TMEM245: variants seen among roughly 807,000 people sequenced by gnomAD.
The protein encoded by TMEM245 is transmembrane protein 245, also known as protein CG-2.
In TMEM245, 69 loss-of-function variants were observed where a neutral mutation model predicts 101.2. The observed-to-expected ratio is 0.68, with a 90% confidence interval of 0.56 to 0.83. TMEM245 has a LOEUF of 0.83. TMEM245 is among the 40% of genes least tolerant of loss of function. TMEM245 has a pLI of 0.00. For synonymous variants in TMEM245, 537 were observed against 449.8 expected (o/e 1.19, Z -2.45); for missense variants, 1,075 against 1,092.8 (o/e 0.98, Z 0.23).
At chr9:109,098,894 C>T (rs1245421572) in intron 3 of TMEM245, among the ~76,000 whole-genome samples, 1 of 152,156 alleles carries the variant, frequency 6.6e-6, no homozygotes, top group Non-Finnish European at 1.5e-5. Context: ...GTCCGGCACA[C>T]AAGAAAGAGA....
chr9:109,097,081 G>A (rs1314063782), intron 3 of TMEM245, among the ~76,000 whole-genome samples: 2 of 152,196 alleles, frequency 1.3e-5, no homozygotes, highest in East Asian at 3.8e-4. Context: ...CATGCAGGGA[G>A]GTCTGGGAAG....
At chr9:109,104,415 T>C (rs1417868013) in intron 3 of TMEM245, among the ~76,000 whole-genome samples, 2 of 152,194 alleles carry the variant, frequency 1.3e-5, no homozygotes, top group African/African-American at 4.8e-5. Flanking sequence ...GCTCATAAAT[T>C]GTAAGGTTTT....
At chr9:109,054,904 G>C (rs1396345487) in intron 12 of TMEM245, among the ~76,000 whole-genome samples, 1 of 152,162 alleles carries the variant, frequency 6.6e-6, no homozygotes, top group East Asian at 1.9e-4. Flanking sequence ...TAAGCACCTA[G>C]CACAATATTT....
intron 15 of TMEM245, among the ~76,000 whole-genome samples, chr9:109,037,670 C>T (rs1391853595): frequency 6.6e-6 from 1 of 152,132 alleles, no homozygotes; most frequent in Non-Finnish European, 1.5e-5. Flanking sequence ...CTGAGGCCTC[C>T]CCCAAAGCAG....
chr9:109,058,872 C>T (rs75379653), intron 11 of TMEM245, among the ~76,000 whole-genome samples: 2,483 of 152,224 alleles, frequency 0.016, 67 homozygotes, highest in African/African-American at 0.057. Context: ...TCCCAAATAG[C>T]CAGGATTACA....
chr9:109,086,466 C>A (rs1463923479), intron 6 of TMEM245, among the ~76,000 whole-genome samples: 1 of 152,180 alleles, frequency 6.6e-6, no homozygotes, highest in African/African-American at 2.4e-5. Flanking sequence ...TCAGTGCTGC[C>A]ACTGTATCCC....
intron 1 of TMEM245, among the ~76,000 whole-genome samples, chr9:109,111,581 C>T (rs149205649): frequency 1.3e-5 from 2 of 152,146 alleles, no homozygotes; most frequent in East Asian, 3.9e-4. Flanking sequence ...AAATATACTC[C>T]CCAATTCTAC....
At chr9:109,058,157 C>T (rs372895085) in intron 11 of TMEM245, among the ~76,000 whole-genome samples, 12 of 151,580 alleles carry the variant, frequency 7.9e-5, no homozygotes, top group Middle Eastern at 6.8e-3. Flanking sequence ...CCTGCCACAA[C>T]GCCTGGCTAA....
At chr9:109,081,644 T>A (rs1034392791) in intron 7 of TMEM245, among the ~76,000 whole-genome samples, 7 of 152,324 alleles carry the variant, frequency 4.6e-5, no homozygotes, top group Admixed American at 1.3e-4. Flanking sequence ...AGTCTTTACA[T>A]CTTTTTATGT....
intron 14 of TMEM245, among the ~76,000 whole-genome samples, chr9:109,047,094 T>G (rs1434913195): frequency 6.6e-6 from 1 of 152,236 alleles, no homozygotes; most frequent in Non-Finnish European, 1.5e-5. Flanking sequence ...TAACCCATTC[T>G]TTAGTCTGTA....
chr9:109,077,020 T>C (rs1829529066), intron 8 of TMEM245, among the ~76,000 whole-genome samples: 1 of 151,928 alleles, frequency 6.6e-6, no homozygotes, highest in African/African-American at 2.4e-5. Context: ...ATTGAACATA[T>C]TGTTTATTCT....
At chr9:109,089,958 G>A (rs1006459042) in intron 5 of TMEM245, among the ~76,000 whole-genome samples, 2 of 152,106 alleles carry the variant, frequency 1.3e-5, no homozygotes. Context: ...TAAGAGTAGC[G>A]CTCAAAAATC....
At position 109,119,481 on chromosome 9, in the gene TMEM245, G is replaced by T. The variant is rs971481496; in HGVS notation, c.433C>A (p.Arg145Ser). The T allele has an allele frequency of 6.7e-7, 1 of 1,485,698 alleles. No individual in the cohort carries two copies. Among genetic ancestry groups the T allele is most frequent in the Non-Finnish European group, 8.9e-7 (1 of 1,128,682 alleles). The allele number at this position is 1,485,698 out of a possible 1,614,324, so 92.0% of individuals were successfully genotyped here. The change falls in exon 1 of 18, where the codon CGC becomes AGC. Residue 145 changes from arginine to serine, a missense_variant. Transcript: ENST00000374586. ...CCGAGCAGCAGGAGCAGGCGGCGGC[G>T]GCGCAGCGCCTGCTCGCCCAGGGCC... is the stretch of plus-strand genomic sequence containing the variant. ...VEALGEQALR[R>S]RRLLLLLGAG...
At chr9:109,048,495 T>C (rs1207152954) in intron 14 of TMEM245, among the ~76,000 whole-genome samples, 1 of 151,610 alleles carries the variant, frequency 6.6e-6, no homozygotes. Context: ...ATTAAAAGTA[T>C]GTGGAGACAG....
chr9:109,049,100 T>C (rs1429026882), intron 14 of TMEM245, among the ~76,000 whole-genome samples: 1 of 152,200 alleles, frequency 6.6e-6, no homozygotes, highest in African/African-American at 2.4e-5. Flanking sequence ...GCAAGTGACA[T>C]GATGCTAACA....
intron 17 of TMEM245, among the ~76,000 whole-genome samples, chr9:109,027,742 A>G (rs375983881): frequency 2.6e-5 from 4 of 152,154 alleles, no homozygotes; most frequent in East Asian, 2.0e-4. Context: ...GCAATGTGCA[A>G]TGGTGCAATC....
In TMEM245 at chr9:109,064,579, C is replaced by G. The variant is rs144216999; in HGVS notation, c.1533-12G>C. ...CCTCAGGAAGCCAACTAATGTAAAACAAAGAAAAAAATGAAAAAAGTACAC... is the reference window on the plus strand; with the variant it reads ...CCTCAGGAAGCCAACTAATGTAAAAGAAAGAAAAAAATGAAAAAAGTACAC... On this transcript the variant is annotated splice_polypyrimidine_tract_variant and intron_variant, in intron 9 of 17. Coordinates refer to ENST00000374586, the MANE Select transcript of TMEM245 (RefSeq NM_032012.4). 179 of 1,606,866 alleles carry G rather than the reference C, an allele frequency of 1.1e-4. No homozygotes were observed. The highest frequency in any genetic ancestry group is 1.5e-4 in the Non-Finnish European group (175 of 1,177,484).
chr9:109,055,952 G>T (rs962897154), intron 12 of TMEM245, among the ~76,000 whole-genome samples: 10 of 152,076 alleles, frequency 6.6e-5, no homozygotes, highest in African/African-American at 2.4e-4. Flanking sequence ...TGTTTCAAAG[G>T]CAAGTTGAAG....
chr9:109,103,505 A>G (rs945488312), intron 3 of TMEM245, among the ~76,000 whole-genome samples: 3 of 152,234 alleles, frequency 2.0e-5, no homozygotes. Context: ...GATAAATGGA[A>G]AAAGAACATG....
Sources: allele counts gnomAD v4.1 joint callset (sites outside exome capture counted in the v4.1 genomes callset), GRCh38; gene constraint gnomAD v4.1.1; transcripts MANE v1.5; gene names NCBI Gene and HGNC (gene_info 2026-07-23, HGNC 2026-07-21).